SCHIP1: variants seen among roughly 807,000 people sequenced by gnomAD.
SCHIP1 encodes the protein schwannomin interacting protein 1.
SCHIP1 carries 8 observed loss-of-function variants against 29.7 expected under a neutral mutation model. That is an observed-to-expected ratio of 0.27 (90% CI 0.16 to 0.49). The LOEUF (loss-of-function observed/expected upper bound fraction) is 0.49, where lower values mean the gene tolerates loss of function less well. Ranked by LOEUF, SCHIP1 falls within the 20% of genes least tolerant of loss-of-function variation. The pLI is 0.99. For missense variants in SCHIP1, 193 were observed against 294.6 expected (o/e 0.66, Z 2.52); for synonymous variants, 76 against 94.9 (o/e 0.80, Z 1.16).
At chr3:159,553,261 AG>A in the SCHIP1 span, among the ~76,000 whole-genome samples, 1 of 122,168 alleles carries the variant, frequency 8.2e-6, no homozygotes, top group Non-Finnish European at 1.6e-5. Context: ...CAAATGGAAA[AG>A]GTTAAAAAAA....
At chr3:159,638,633 A>T in the SCHIP1 span, among the ~76,000 whole-genome samples, 5 of 150,456 alleles carry the variant, frequency 3.3e-5, no homozygotes, top group Non-Finnish European at 7.4e-5. Context: ...AAAAAAAAAC[A>T]GCTAGAGGGG....
rs1295988333 is a variant in SCHIP1 at position 159,884,550 on chromosome 3, TAG to T, written c.150-1652_150-1651del. The stretch of plus-strand genomic sequence containing the variant: ...CAAGCAGTATTAGAGTAAGTGACTT[TAG>T]AGAGTCATTTCACCTCTAAAATTCT... On this transcript the variant is annotated intron_variant, in intron 2 of 6. Transcript: ENST00000445224. Among the ~76,000 whole-genome samples the T allele has an allele frequency of 3.3e-5, 5 of 152,148 alleles. No individual in the cohort carries two copies. In the South Asian group the frequency reaches 1.0e-3, roughly 32 times the overall value.
At chr3:159,738,181 G>C in the SCHIP1 span, among the ~76,000 whole-genome samples, 3 of 151,168 alleles carry the variant, frequency 2.0e-5, no homozygotes, top group Non-Finnish European at 4.4e-5. Flanking sequence ...CATTTTGTAG[G>C]TATTTTTCTG....
At chr3:159,772,571 A>G in the SCHIP1 span, among the ~76,000 whole-genome samples, 23 of 152,184 alleles carry the variant, frequency 1.5e-4, no homozygotes, top group Admixed American at 1.5e-3. Context: ...GACATTTTAT[A>G]TACAGTTGTT....
the SCHIP1 span, among the ~76,000 whole-genome samples, chr3:159,544,366 C>G: frequency 6.6e-6 from 1 of 151,964 alleles, no homozygotes; most frequent in Admixed American, 6.6e-5. Context: ...ACATATTGGA[C>G]ATATACCTAG....
At chr3:159,764,881 G>T in the SCHIP1 span, 1 of 1,571,198 alleles carries the variant, frequency 6.4e-7, no homozygotes, top group African/African-American at 1.4e-5. The surrounding 1 kb of genome is among the most constrained non-coding windows in gnomAD (Gnocchi z 6.1). Flanking sequence ...CAACGTGGTG[G>T]TGGCTGGCCG....
intron 2 of SCHIP1, among the ~76,000 whole-genome samples, chr3:159,874,768 G>A (rs1262932559): frequency 6.6e-6 from 1 of 152,204 alleles, no homozygotes; most frequent in Non-Finnish European, 1.5e-5. Flanking sequence ...AATGAGGAAA[G>A]AGGTTGTCTA....
At chr3:159,509,089 T>C in the SCHIP1 span, among the ~76,000 whole-genome samples, 1 of 152,194 alleles carries the variant, frequency 6.6e-6, no homozygotes, top group Non-Finnish European at 1.5e-5. Flanking sequence ...CCCATTATTA[T>C]TGTGTGGGAG....
At chr3:159,311,950 C>A in the SCHIP1 span, among the ~76,000 whole-genome samples, 2 of 152,162 alleles carry the variant, frequency 1.3e-5, no homozygotes, top group Non-Finnish European at 2.9e-5. Context: ...TAAGCTAGCA[C>A]TATCCCAGGA....
the SCHIP1 span, among the ~76,000 whole-genome samples, chr3:159,519,081 T>C: frequency 3.9e-5 from 6 of 152,046 alleles, no homozygotes; most frequent in Non-Finnish European, 1.5e-5. Context: ...AAAGCAATAG[T>C]TAATAAAACA....
the SCHIP1 span, among the ~76,000 whole-genome samples, chr3:159,391,810 T>C: frequency 2.0e-5 from 3 of 152,222 alleles, no homozygotes; most frequent in Non-Finnish European, 4.4e-5. Flanking sequence ...TTCTATACTT[T>C]ACAGATGGAG....
At chr3:159,762,657 A>G in the SCHIP1 span, among the ~76,000 whole-genome samples, 12 of 152,142 alleles carry the variant, frequency 7.9e-5, no homozygotes, top group African/African-American at 2.9e-4. Context: ...CTAGTTTCCC[A>G]GTTCTTACAG....
At chr3:159,756,145 G>A in the SCHIP1 span, among the ~76,000 whole-genome samples, 5 of 152,216 alleles carry the variant, frequency 3.3e-5, no homozygotes, top group East Asian at 7.7e-4. Flanking sequence ...CTGTTTGGGG[G>A]CTCTGACCCC....
chr3:159,883,935 G>A (rs529954051), intron 2 of SCHIP1, among the ~76,000 whole-genome samples: 8 of 152,198 alleles, frequency 5.3e-5, no homozygotes, highest in South Asian at 2.1e-4. Flanking sequence ...CAGCGTGGCC[G>A]CAGAACAACA....
chr3:159,296,999 G>A, the SCHIP1 span, among the ~76,000 whole-genome samples: 1 of 151,978 alleles, frequency 6.6e-6, no homozygotes, highest in Non-Finnish European at 1.5e-5. Flanking sequence ...TAGATGTTAT[G>A]TATAAATGAG....
At chr3:159,275,231 A>C in the SCHIP1 span, 1 of 336,878 alleles carries the variant, frequency 3.0e-6, no homozygotes, top group Non-Finnish European at 4.2e-6. Context: ...TTATGATTTC[A>C]GTTTTTTTAA....
chr3:159,893,359 C>T (rs1402422609), intron 6 of SCHIP1: 1 of 152,138 alleles, frequency 6.6e-6, no homozygotes, highest in Admixed American at 6.5e-5. Flanking sequence ...CACAATAACA[C>T]TCAAATAATA....
At chr3:159,764,845 G>T in the SCHIP1 span, 1 of 1,591,892 alleles carries the variant, frequency 6.3e-7, no homozygotes, top group Non-Finnish European at 8.5e-7. This position sits in a 1 kb window ranked among gnomAD's most constrained non-coding sequence, Gnocchi z 6.1. Context: ...CCACCAGCAC[G>T]ACCCCCAGGA....
chr3:159,274,420 T>C, the SCHIP1 span: 21 of 920,372 alleles, frequency 2.3e-5, no homozygotes, highest in Admixed American at 6.2e-5. Context: ...ATGAAATGTA[T>C]AGAGTGGCAG....
Sources: gnomAD v4.1 joint callset for allele counts (sites outside exome capture counted in the v4.1 genomes callset) on GRCh38, gnomAD v4.1.1 for gene constraint, Gnocchi (gnomAD v3.1) non-coding constraint, MANE v1.5 for transcripts, NCBI Gene and HGNC (gene_info 2026-07-23, HGNC 2026-07-21) for gene names.